Variants in PHACTR3 observed in about 807,000 individuals in gnomAD.
PHACTR3 encodes phosphatase and actin regulator 3, also known as protein phosphatase 1, regulatory subunit 123.
PHACTR3 carries 16 observed loss-of-function variants against 66.8 expected under a neutral mutation model. The ratio of observed to expected loss-of-function variants is 0.24; its 90% CI spans 0.16 to 0.36. The LOEUF is 0.36. Among genes scored for constraint, PHACTR3 ranks in the 10% least tolerant of loss-of-function variants. The pLI is 1.00. For synonymous variants in PHACTR3, 323 were observed against 292.1 expected, an observed-to-expected ratio of 1.11 and a Z score of -1.08; for missense variants, 647 against 719.9, an observed-to-expected ratio of 0.90 and a Z score of 1.16.
intron 7 of PHACTR3, among the ~76,000 whole-genome samples, chr20:59,777,039 G>A (rs76057076): frequency 5.9e-5 from 9 of 152,274 alleles, no homozygotes; most frequent in African/African-American, 1.4e-4. Context: ...CAAAATCAAA[G>A]TGTGGGTAGG....
At chr20:59,666,574 G>C (rs528515148) in intron 1 of PHACTR3, among the ~76,000 whole-genome samples, 58 of 152,204 alleles carry the variant, frequency 3.8e-4, no homozygotes, top group Middle Eastern at 3.4e-3. Context: ...CAGAGACAGA[G>C]AGACAGGGAG....
At chr20:59,610,751 T>C (rs1367371819) in intron 1 of PHACTR3, among the ~76,000 whole-genome samples, 6 of 152,200 alleles carry the variant, frequency 3.9e-5, no homozygotes. Flanking sequence ...GCCTTGCCTG[T>C]GGTCCTTTTG....
chr20:59,699,200 G>T (rs1195432723), intron 1 of PHACTR3, among the ~76,000 whole-genome samples: 1 of 152,204 alleles, frequency 6.6e-6, no homozygotes, highest in Admixed American at 6.5e-5. Context: ...AACCCCAGGA[G>T]TTGGCGATGT....
At chr20:59,612,600 G>A (rs117061921) in intron 1 of PHACTR3, among the ~76,000 whole-genome samples, 1 of 152,158 alleles carries the variant, frequency 6.6e-6, no homozygotes, top group African/African-American at 2.4e-5. Context: ...TGACCAGGCT[G>A]GTCTTGAACT....
intron 1 of PHACTR3, among the ~76,000 whole-genome samples, chr20:59,657,841 GT>G (rs1555807510): frequency 6.6e-6 from 1 of 152,088 alleles, no homozygotes; most frequent in African/African-American, 2.4e-5. Flanking sequence ...ATAGATTAGG[GT>G]TTTTTCGCAC....
At chr20:59,750,942 T>C (rs148451455) in intron 3 of PHACTR3, among the ~76,000 whole-genome samples, 136 of 152,342 alleles carry the variant, frequency 8.9e-4, no homozygotes, top group African/African-American at 2.8e-3. Flanking sequence ...TTCAAAAATG[T>C]CTTTTCTCAC....
Position 59,736,515 on chromosome 20 carries a change from C to T in PHACTR3, c.119-6592C>T, listed in dbSNP as rs777029407. Among the ~76,000 whole-genome samples the T allele has an allele frequency of 7.2e-5, 11 of 151,840 alleles. No homozygotes were observed. Among genetic ancestry groups the T allele is most frequent in the Admixed American group, 1.3e-4 (2 of 15,262 alleles). On this transcript the variant is annotated intron_variant, in intron 1 of 12. Coordinates refer to ENST00000371015, the MANE Select transcript of PHACTR3 (RefSeq NM_080672.5). This position sits in a 1 kb window ranked among gnomAD's most constrained non-coding sequence, Gnocchi z 4.6. ...CACCCACGCCCATGCACACTGGCTC[C>T]GCAGGTGCTCACCCGCCCACCCGTG...
intron 5 of PHACTR3, among the ~76,000 whole-genome samples, chr20:59,768,381 C>A (rs546459399): frequency 6.6e-6 from 1 of 152,318 alleles, no homozygotes; most frequent in African/African-American, 2.4e-5. Flanking sequence ...TAACCACCAT[C>A]AATAATTGCC....
chr20:59,723,111 T>C (rs2038408494), intron 1 of PHACTR3, among the ~76,000 whole-genome samples: 1 of 146,098 alleles, frequency 6.8e-6, no homozygotes, highest in Admixed American at 7.0e-5. Context: ...TCTTTCTTTC[T>C]TTCTTTCTTC....
rs571200491 is a variant in PHACTR3 at position 59,628,923 on chromosome 20, C to G, written c.118+23791C>G. On this transcript the variant is annotated intron_variant, in intron 1 of 12. Coordinates refer to ENST00000371015, the MANE Select transcript of PHACTR3 (RefSeq NM_080672.5). ...GGGGTTGCAGAGCTTCCCTCAATGA[C>G]AGCATCCACCTTTCCATGGTTCACT... is the stretch of plus-strand genomic sequence containing the variant. The G allele has an allele frequency of 2.8e-5, 15 of 533,572 alleles. No individual in the cohort carries two copies. The South Asian group carries it at 1.2e-3, about 43-fold the overall frequency. 33.1% of individuals were successfully genotyped at this position (533,572 alleles called of 1,614,324 possible). A position where few individuals can be genotyped will look rare whatever the true frequency, so the allele number is the denominator to read the frequency against.
At chr20:59,827,713 AT>A in intron 8 of PHACTR3, among the ~76,000 whole-genome samples, 1 of 152,008 alleles carries the variant, frequency 6.6e-6, no homozygotes, top group African/African-American at 2.4e-5. Context: ...CAGGGGACAT[AT>A]TTCTCCTGCA....
At chr20:59,698,472 A>G (rs562784610) in intron 1 of PHACTR3, among the ~76,000 whole-genome samples, 7 of 152,270 alleles carry the variant, frequency 4.6e-5, no homozygotes, top group African/African-American at 1.7e-4. Context: ...ATGCTTCATT[A>G]TATATTATAA....
chr20:59,582,860 C>T (rs971566034), intron 1 of PHACTR3, among the ~76,000 whole-genome samples: 1 of 152,122 alleles, frequency 6.6e-6, no homozygotes, highest in African/African-American at 2.4e-5. Flanking sequence ...TGTTGTGTGT[C>T]TTTTCACTTT....
intron 5 of PHACTR3, among the ~76,000 whole-genome samples, chr20:59,769,962 A>G (rs1232452110): frequency 6.6e-6 from 1 of 152,200 alleles, no homozygotes; most frequent in Non-Finnish European, 1.5e-5. Context: ...ACCTAAAACC[A>G]TTTAAAGTCC....
At chr20:59,671,277 G>T (rs2036189206) in intron 1 of PHACTR3, among the ~76,000 whole-genome samples, 1 of 152,198 alleles carries the variant, frequency 6.6e-6, no homozygotes, top group Non-Finnish European at 1.5e-5. Flanking sequence ...AAGGCTGGGG[G>T]TGCGGCTCCA....
At chr20:59,844,950 A>C (rs1006015438) in intron 11 of PHACTR3, 4 of 361,974 alleles carry the variant, frequency 1.1e-5, no homozygotes, top group Non-Finnish European at 2.1e-5. Flanking sequence ...ATATGTACAA[A>C]TATTATGTAT....
chr20:59,719,326 G>A (rs1014022076), intron 1 of PHACTR3, among the ~76,000 whole-genome samples: 5 of 151,928 alleles, frequency 3.3e-5, no homozygotes, highest in Non-Finnish European at 5.9e-5. Context: ...CACCACACCC[G>A]GCTAATTTTT....
chr20:59,626,006 C>A, intron 1 of PHACTR3, among the ~76,000 whole-genome samples: 1 of 152,062 alleles, frequency 6.6e-6, no homozygotes, highest in East Asian at 1.9e-4. Flanking sequence ...GAGGCCAGCC[C>A]ATCTTGGGGT....
intron 7 of PHACTR3, among the ~76,000 whole-genome samples, chr20:59,794,765 G>A (rs1300156642): frequency 1.3e-5 from 2 of 152,022 alleles, no homozygotes; most frequent in African/African-American, 4.8e-5. Context: ...GTAAATCTTG[G>A]TAGGCTGTAC....
Sources: gnomAD v4.1 joint callset for allele counts (sites outside exome capture counted in the v4.1 genomes callset) on GRCh38, gnomAD v4.1.1 for gene constraint, Gnocchi (gnomAD v3.1) non-coding constraint, MANE v1.5 for transcripts, NCBI Gene and HGNC (gene_info 2026-07-23, HGNC 2026-07-21) for gene names.